The following FOXQ1 variants were observed in gnomAD, a reference collection of about 807,000 sequenced individuals.
The protein encoded by FOXQ1 is forkhead box Q1, also known as forkhead box protein Q1.
A neutral mutation model predicts 0.6 loss-of-function variants in FOXQ1; 1 was observed. The observed-to-expected ratio is 1.73, with a 90% CI of 0.61 to 8.20. The LOEUF is 8.20. Among genes scored for constraint, FOXQ1 ranks in the 30% most tolerant of loss-of-function variants. FOXQ1 has a pLI of 0.13. For synonymous variants in FOXQ1, 377 were observed against 294.4 expected (o/e 1.28, Z -2.87); for missense variants, 734 against 595.6 (o/e 1.23, Z -2.42).
In FOXQ1 at chr6:1,312,469, C is replaced by A; in HGVS notation, c.-236C>A. On this transcript the variant is annotated 5_prime_UTR_variant, in exon 1 of 1. Transcript: ENST00000296839. The stretch of plus-strand genomic sequence containing the variant: ...ACGTCGAACCGAAGGCGACACCCAC[C>A]CAACTCCTCCCTCTCCGCCCCATAG... 1.9e-6 allele frequency: 1 copy of A among 532,056 alleles called. No homozygotes were observed. Among genetic ancestry groups the A allele is most frequent in the Non-Finnish European group, 2.8e-6 (1 of 354,030 alleles). 33.0% of individuals were successfully genotyped at this position (532,056 alleles called of 1,614,324 possible). A position where few individuals can be genotyped will look rare whatever the true frequency, so the allele number is the denominator to read the frequency against.
rs1184341962 is a variant in FOXQ1 at position 1,312,860 on chromosome 6, C to A, written c.156C>A (p.Ala52=). 1 of 1,276,098 alleles carries A rather than the reference C, an allele frequency of 7.8e-7. No individual in the cohort carries two copies. The highest frequency in any genetic ancestry group is 9.9e-7 in the Non-Finnish European group (1 of 1,014,398). The allele number at this position is 1,276,098 out of a possible 1,614,324, so 79.0% of individuals were successfully genotyped here. ...GGGACTGCGCGGCCAACAGCCCGGC[C>A]GCGGGCGGCGGCGCCAGAGATACGC... ...SDGDCAANSP[A]AGGGARDTQG... The change falls in exon 1 of 1, where the codon GCC becomes GCA. Residue 52 remains alanine, a synonymous_variant. Transcript: ENST00000296839.
Position 1,312,576 on chromosome 6 carries a change from G to T in FOXQ1, c.-129G>T. The stretch of plus-strand genomic sequence containing the variant: ...AAAAGTGACTATCTCGGAAGACCAG[G>T]GTAGAGCTCCCGGGAGAAAAAGGCG... On this transcript the variant is annotated 5_prime_UTR_variant, in exon 1 of 1. Transcript: ENST00000296839. 8.1e-7 allele frequency: 1 copy of T among 1,234,426 alleles called. No homozygotes were observed. Among genetic ancestry groups the T allele is most frequent in the Non-Finnish European group, 1.0e-6 (1 of 985,362 alleles). 76.5% of individuals were successfully genotyped at this position (1,234,426 alleles called of 1,614,324 possible). A position where few individuals can be genotyped will look rare whatever the true frequency, so the allele number is the denominator to read the frequency against.
In FOXQ1 at chr6:1,312,726, C is replaced by T. The variant is rs1757567106; in HGVS notation, c.22C>T (p.Pro8Ser). The T allele has an allele frequency of 7.4e-7, 1 of 1,355,958 alleles. No individual in the cohort carries two copies. The highest frequency in any genetic ancestry group is 9.5e-7 in the Non-Finnish European group (1 of 1,057,248). 84.0% of individuals were successfully genotyped at this position (1,355,958 alleles called of 1,614,324 possible). A position where few individuals can be genotyped will look rare whatever the true frequency, so the allele number is the denominator to read the frequency against. Reference protein sequence around the residue: MKLEVFVPRAAHGDKQGS... With the variant: MKLEVFVSRAAHGDKQGS... Reference sequence around the variant, plus strand: ...GGGCATGAAGTTGGAGGTGTTCGTCCCTCGCGCGGCCCACGGGGACAAGCA... The same window carrying T: ...GGGCATGAAGTTGGAGGTGTTCGTCTCTCGCGCGGCCCACGGGGACAAGCA... The change falls in exon 1 of 1, where the codon CCT becomes TCT. Residue 8 changes from proline to serine, a missense_variant. By Grantham distance (74) the Pro-to-Ser change is moderately conservative (BLOSUM62 -1). Coordinates refer to ENST00000296839, the MANE Select transcript of FOXQ1 (RefSeq NM_033260.4).
rs1378805020 is a variant in FOXQ1, at chr6:1,313,830, C to T, written c.1126C>T (p.Leu376=). Residue 376 remains leucine (L), a synonymous_variant, in exon 1 of 1, where the codon CTG becomes TTG. Transcript: ENST00000296839. This position sits in a 1 kb window ranked among gnomAD's most constrained non-coding sequence, Gnocchi z 5.2. ...CGGCGGCGCGCACCTGTACTGCCCC[C>T]TGCGGCTGCCCGCAGCCCTGCAGGC... ...AAGGAHLYCP[L]RLPAALQAAS... is the part of the protein sequence containing the mutation. 4 of 1,295,732 alleles carry T rather than the reference C, an allele frequency of 3.1e-6. No individual in the cohort carries two copies. The Admixed American group carries it at 1.6e-4, about 51-fold the overall frequency. The allele number at this position is 1,295,732 out of a possible 1,614,324, so 80.3% of individuals were successfully genotyped here. A position where few individuals can be genotyped will look rare whatever the true frequency, so the allele number is the denominator to read the frequency against.
Position 1,312,957 on chromosome 6 carries a change from G to T in FOXQ1, c.253G>T (p.Ala85Ser), listed in dbSNP as rs1757573748. 8 of 1,281,460 alleles carry T rather than the reference G, an allele frequency of 6.2e-6. No individual in the cohort carries two copies. Among genetic ancestry groups the T allele is most frequent in the Non-Finnish European group, 7.9e-6 (8 of 1,017,950 alleles). 79.4% of individuals were successfully genotyped at this position (1,281,460 alleles called of 1,614,324 possible). ...EEAIPAAAAA[A>S]VVAEGAEAGA... ...GGCGATCCCGGCAGCAGCTGCTGCA[G>T]CGGTGGTGGCGGAGGGCGCGGAGGC... Residue 85 changes from alanine to serine, a missense_variant, in exon 1 of 1, where the codon GCG becomes TCG. Transcript: ENST00000296839.
Position 1,313,363 on chromosome 6 carries a change from C to T in FOXQ1, c.659C>T (p.Ala220Val). 6.6e-7 allele frequency: 1 copy of T among 1,516,612 alleles called. No homozygotes were observed. The allele number at this position is 1,516,612 out of a possible 1,614,324, so 93.9% of individuals were successfully genotyped here. Residue 220 changes from alanine to valine, a missense_variant, in exon 1 of 1, where the codon GCG becomes GTG. By Grantham distance (64) the Ala-to-Val change is moderately conservative. Coordinates refer to ENST00000296839, the MANE Select transcript of FOXQ1 (RefSeq NM_033260.4). The surrounding 1 kb of genome is among the most constrained non-coding windows in gnomAD (Gnocchi z 5.2). ...CGCCGCAAGCGCCTCAGCCACCGCGCGCCGGTCCCCGCGCCCGGGCTGCGG... is the reference window on the plus strand; with the variant it reads ...CGCCGCAAGCGCCTCAGCCACCGCGTGCCGGTCCCCGCGCCCGGGCTGCGG... ...RRRRKRLSHR[A>V]PVPAPGLRPE...
At position 1,312,120 on chromosome 6, in the gene FOXQ1, G is replaced by T. The variant is rs1168050443; in HGVS notation, c.-585G>T. Among the ~76,000 whole-genome samples, 1 of 152,226 alleles carries T rather than the reference G, an allele frequency of 6.6e-6. No homozygotes were observed. The highest frequency in any genetic ancestry group is 1.5e-5 in the Non-Finnish European group (1 of 68,034). On this transcript the variant is annotated 5_prime_UTR_variant, in exon 1 of 1. Coordinates refer to ENST00000296839, the MANE Select transcript of FOXQ1 (RefSeq NM_033260.4). The stretch of plus-strand genomic sequence containing the variant: ...GGCGAGACGCAGCCGCGGCAGGCCA[G>T]CGGGGAGATGCTGCCCCGGAGGCTG...
At position 1,313,863 on chromosome 6, in the gene FOXQ1, G is replaced by C. The variant is rs1757596478; in HGVS notation, c.1159G>C (p.Val387Leu). The change falls in exon 1 of 1, where the codon GTC becomes CTC. Residue 387 changes from valine (V) to leucine (L), a missense_variant. By Grantham distance (32) the Val-to-Leu change is conservative (BLOSUM62 1). Coordinates refer to ENST00000296839, the MANE Select transcript of FOXQ1 (RefSeq NM_033260.4). This position sits in a 1 kb window ranked among gnomAD's most constrained non-coding sequence, Gnocchi z 5.2. The part of the protein sequence containing the change: ...RLPAALQAAS[V>L]RRPGPHLPYP... Reference sequence around the variant, plus strand: ...GCCCGCAGCCCTGCAGGCGGCCTCAGTCCGCCGCCCTGGCCCGCACCTGCC... The same window carrying C: ...GCCCGCAGCCCTGCAGGCGGCCTCACTCCGCCGCCCTGGCCCGCACCTGCC... 7.6e-7 allele frequency: 1 copy of C among 1,311,772 alleles called. No homozygotes were observed. Among genetic ancestry groups the C allele is most frequent in the African/African-American group, 1.5e-5 (1 of 65,114 alleles). The allele number at this position is 1,311,772 out of a possible 1,614,324, so 81.3% of individuals were successfully genotyped here.
In FOXQ1 at chr6:1,313,585, C is replaced by A; in HGVS notation, c.881C>A (p.Thr294Lys). The A allele has an allele frequency of 8.4e-7, 1 of 1,188,258 alleles. No individual in the cohort carries two copies. Among genetic ancestry groups the A allele is most frequent in the South Asian group, 1.9e-5 (1 of 52,710 alleles). 73.6% of individuals were successfully genotyped at this position (1,188,258 alleles called of 1,614,324 possible). The change falls in exon 1 of 1, where the codon ACG becomes AAG. Residue 294 changes from threonine to lysine, a missense_variant. Thr to Lys is a moderately conservative substitution (Grantham distance 78). Transcript: ENST00000296839. This position sits in a 1 kb window ranked among gnomAD's most constrained non-coding sequence, Gnocchi z 5.2. The part of the protein sequence containing the change: ...RRLRDTAPGT[T>K]LQWGAAPCPP... ...CTCAGGGACACGGCCCCCGGGACGA[C>A]GCTTCAGTGGGGCGCCGCGCCCTGC...
Position 1,312,998 on chromosome 6 carries a change from A to AGGCGCGGGC in FOXQ1, c.303_311dup (p.Gly102_Gly104dup), listed in dbSNP as rs765973834. On this transcript the variant is annotated inframe_insertion, in exon 1 of 1. Coordinates refer to ENST00000296839, the MANE Select transcript of FOXQ1 (RefSeq NM_033260.4). ...GCGCGGAGGCCGGGGCGGCGGGGCC[A>AGGCGCGGGC]GGCGCGGGCGGCGCGGGGAGCGGCG... 6 of 1,346,964 alleles carry AGGCGCGGGC rather than the reference A, an allele frequency of 4.5e-6. No homozygotes were observed. The highest frequency in any genetic ancestry group is 2.1e-5 in the South Asian group (1 of 47,006). 83.4% of individuals were successfully genotyped at this position (1,346,964 alleles called of 1,614,324 possible). A position where few individuals can be genotyped will look rare whatever the true frequency, so the allele number is the denominator to read the frequency against.
At position 1,313,906 on chromosome 6, in the gene FOXQ1, T is replaced by A; in HGVS notation, c.1202T>A (p.Leu401His). The A allele has an allele frequency of 7.9e-7, 1 of 1,267,606 alleles. No individual in the cohort carries two copies. The highest frequency in any genetic ancestry group is 9.9e-7 in the Non-Finnish European group (1 of 1,011,600). The allele number at this position is 1,267,606 out of a possible 1,614,324, so 78.5% of individuals were successfully genotyped here. A position where few individuals can be genotyped will look rare whatever the true frequency, so the allele number is the denominator to read the frequency against. Residue 401 changes from leucine to histidine, a missense_variant, in exon 1 of 1, where the codon CTC becomes CAC. Leu to His is a moderately conservative substitution (Grantham distance 99). Transcript: ENST00000296839. This position sits in a 1 kb window ranked among gnomAD's most constrained non-coding sequence, Gnocchi z 5.2. ...CACCTGCCGTACCCGGTGGAGACGC[T>A]CCTAGCCTGAGTAGCGCCGCGGGGC... ...GPHLPYPVET[L>H]LA is the part of the protein sequence containing the mutation.
rs1170064809 is a variant in FOXQ1, at chr6:1,313,502, G to C, written c.798G>C (p.Lys266Asn). Reference sequence around the variant, plus strand: ...AGGAGCGCGCCAGCCCCGCGGGCAAGTTCTCCAGCTCCTTCGCCATCGACA... The same window carrying C: ...AGGAGCGCGCCAGCCCCGCGGGCAACTTCTCCAGCTCCTTCGCCATCGACA... ...RQEERASPAGKFSSSFAIDSI... is the reference protein window; with the variant it reads ...RQEERASPAGNFSSSFAIDSI... The change falls in exon 1 of 1, where the codon AAG becomes AAC. Residue 266 changes from lysine (K) to asparagine (N), a missense_variant. By Grantham distance (94) the Lys-to-Asn change is moderately conservative (BLOSUM62 0). Coordinates refer to ENST00000296839, the MANE Select transcript of FOXQ1 (RefSeq NM_033260.4). The surrounding 1 kb of genome is among the most constrained non-coding windows in gnomAD (Gnocchi z 5.2). 1.6e-6 allele frequency: 2 copies of C among 1,215,150 alleles called. No homozygotes were observed. The highest frequency in any genetic ancestry group is 1.7e-5 in the South Asian group (1 of 57,728). 75.3% of individuals were successfully genotyped at this position (1,215,150 alleles called of 1,614,324 possible). A position where few individuals can be genotyped will look rare whatever the true frequency, so the allele number is the denominator to read the frequency against.
Position 1,313,372 on chromosome 6 carries a change from C to T in FOXQ1, c.668C>T (p.Pro223Leu), listed in dbSNP as rs1581235143. Reference protein sequence around the residue: ...RKRLSHRAPVPAPGLRPEEAP... With the variant: ...RKRLSHRAPVLAPGLRPEEAP... ...CGCCTCAGCCACCGCGCGCCGGTCC[C>T]CGCGCCCGGGCTGCGGCCCGAGGAG... The change falls in exon 1 of 1, where the codon CCC (proline) becomes CTC (leucine). Residue 223 changes from proline to leucine, a missense_variant. Pro to Leu is a moderately conservative substitution (Grantham distance 98). Transcript: ENST00000296839. The surrounding 1 kb of genome is among the most constrained non-coding windows in gnomAD (Gnocchi z 5.2). 1.3e-6 allele frequency: 2 copies of T among 1,488,110 alleles called. No homozygotes were observed. The highest frequency in any genetic ancestry group is 5.7e-5 in the East Asian group (2 of 35,340). 92.2% of individuals were successfully genotyped at this position (1,488,110 alleles called of 1,614,324 possible).
chr6:1,312,600 C>A lies in FOXQ1; in HGVS notation c.-105C>A, dbSNP rs938068463. 2.9e-5 allele frequency: 36 copies of A among 1,249,502 alleles called. No homozygotes were observed. In the African/African-American group the frequency reaches 4.8e-4, roughly 17 times the overall value. 77.4% of individuals were successfully genotyped at this position (1,249,502 alleles called of 1,614,324 possible). A position where few individuals can be genotyped will look rare whatever the true frequency, so the allele number is the denominator to read the frequency against. On this transcript the variant is annotated 5_prime_UTR_variant, in exon 1 of 1. Coordinates refer to ENST00000296839, the MANE Select transcript of FOXQ1 (RefSeq NM_033260.4). The stretch of plus-strand genomic sequence containing the variant: ...GGGTAGAGCTCCCGGGAGAAAAAGG[C>A]GAAGATCCCCGGCCCCGGATCGCCA...
chr6:1,312,903 A>T lies in FOXQ1; in HGVS notation c.199A>T (p.Ser67Cys). 1 of 1,282,990 alleles carries T rather than the reference A, an allele frequency of 7.8e-7. No homozygotes were observed. The allele number at this position is 1,282,990 out of a possible 1,614,324, so 79.5% of individuals were successfully genotyped here. A position where few individuals can be genotyped will look rare whatever the true frequency, so the allele number is the denominator to read the frequency against. Residue 67 changes from serine to cysteine, a missense_variant, in exon 1 of 1, where the codon AGT becomes TGT. Ser to Cys is a moderately radical substitution (Grantham distance 112). Transcript: ENST00000296839. ...ARDTQGDGEQ[S>C]AGGGPGAEEA... ...AGATACGCAGGGCGACGGCGAACAG[A>T]GTGCGGGAGGCGGGCCGGGCGCGGA... is the stretch of plus-strand genomic sequence containing the variant.
Position 1,313,264 on chromosome 6 carries a change from C to G in FOXQ1, c.560C>G (p.Pro187Arg). 1.9e-6 allele frequency: 3 copies of G among 1,610,596 alleles called. No individual in the cohort carries two copies. Among genetic ancestry groups the G allele is most frequent in the Non-Finnish European group, 1.7e-6 (2 of 1,179,018 alleles). Residue 187 changes from proline (P) to arginine (R), a missense_variant, in exon 1 of 1, where the codon CCC (proline) becomes CGC (arginine). Pro to Arg is a moderately radical substitution (Grantham distance 103). Transcript: ENST00000296839. The surrounding 1 kb of genome is among the most constrained non-coding windows in gnomAD (Gnocchi z 5.2). The part of the protein sequence containing the change: ...FVKVLRDPSR[P>R]WGKDNYWMLN... ...AAGGTGCTGCGCGACCCCTCGCGGCCCTGGGGCAAGGACAACTACTGGATG... is the reference window on the plus strand; with the variant it reads ...AAGGTGCTGCGCGACCCCTCGCGGCGCTGGGGCAAGGACAACTACTGGATG...
rs1292814407 is a variant in FOXQ1 at position 1,312,770 on chromosome 6, C to T, written c.66C>T (p.Gly22=). 1 of 1,317,408 alleles carries T rather than the reference C, an allele frequency of 7.6e-7. No individual in the cohort carries two copies. The highest frequency in any genetic ancestry group is 9.7e-7 in the Non-Finnish European group (1 of 1,035,402). The allele number at this position is 1,317,408 out of a possible 1,614,324, so 81.6% of individuals were successfully genotyped here. Residue 22 remains glycine (G), a synonymous_variant, in exon 1 of 1, where the codon GGC becomes GGT. Transcript: ENST00000296839. ...ACAAGCAGGGCAGTGACCTGGAGGG[C>T]GCGGGCGGCAGCGACGCGCCGTCCC... is the stretch of plus-strand genomic sequence containing the variant. ...HGDKQGSDLE[G]AGGSDAPSPL... is the part of the protein sequence containing the mutation.
In FOXQ1 at chr6:1,313,609, GC is replaced by G; in HGVS notation, c.908del (p.Pro303ArgfsTer100). ...GTTLQWGAAPCPPLPAFPALL... is the reference protein window; with the variant it reads ...GTTLQWGAAPXPPLPAFPALL... ...ACGCTTCAGTGGGGCGCCGCGCCCT[GC>G]CCGCCGCTGCCCGCGTTCCCCGCGC... On this transcript the variant is annotated frameshift_variant, in exon 1 of 1. Transcript: ENST00000296839. LOFTEE classifies it low-confidence loss of function (END_TRUNC). The surrounding 1 kb of genome is among the most constrained non-coding windows in gnomAD (Gnocchi z 5.2). 9.0e-7 allele frequency: 1 copy of G among 1,111,174 alleles called. No individual in the cohort carries two copies. Among genetic ancestry groups the G allele is most frequent in the Non-Finnish European group, 1.1e-6 (1 of 907,354 alleles). 68.8% of individuals were successfully genotyped at this position (1,111,174 alleles called of 1,614,324 possible). A position where few individuals can be genotyped will look rare whatever the true frequency, so the allele number is the denominator to read the frequency against.
rs550624856 is a variant in FOXQ1 at position 1,314,185 on chromosome 6, T to A, written c.*269T>A. The A allele has an allele frequency of 1.3e-5, 4 of 315,266 alleles. No individual in the cohort carries two copies. Among genetic ancestry groups the A allele is most frequent in the African/African-American group, 6.6e-5 (3 of 45,486 alleles). The allele number at this position is 315,266 out of a possible 1,614,324, so 19.5% of individuals were successfully genotyped here. On this transcript the variant is annotated 3_prime_UTR_variant, in exon 1 of 1. Transcript: ENST00000296839. ...TGCTCCTCCTTCCCTTCATAAGGAC[T>A]TTTTTTGTCTTTCTTTAACGCCCAG...
Sources: gnomAD v4.1 joint callset for allele counts (sites outside exome capture counted in the v4.1 genomes callset) on GRCh38, gnomAD v4.1.1 for gene constraint, Gnocchi (gnomAD v3.1) non-coding constraint, MANE v1.5 for transcripts, NCBI Gene and HGNC (gene_info 2026-07-23, HGNC 2026-07-21) for gene names.